EFCAB6: variants seen among roughly 807,000 people sequenced by gnomAD.
EFCAB6 encodes the protein EF-hand calcium-binding domain-containing protein 6.
In EFCAB6, 156 loss-of-function variants were observed where a neutral mutation model predicts 169.8. The ratio of observed to expected loss-of-function variants is 0.92; its 90% confidence interval spans 0.81 to 1.05. The LOEUF is 1.05. Among genes scored for constraint, EFCAB6 ranks in the 50% least tolerant of loss-of-function variants. The pLI, the probability that EFCAB6 is intolerant of heterozygous loss-of-function variation, is 0.00. For synonymous variants in EFCAB6, 698 were observed against 676.4 expected (o/e 1.03, Z -0.50); for missense variants, 1,800 against 1,829.1 (o/e 0.98, Z 0.29).
In EFCAB6 at chr22:43,580,635, A is replaced by G. The variant is rs1230292426; in HGVS notation, c.3057T>C (p.Asn1019=). 1.2e-6 allele frequency: 2 copies of G among 1,613,976 alleles called. No homozygotes were observed. Among genetic ancestry groups the G allele is most frequent in the Non-Finnish European group, 1.7e-6 (2 of 1,180,016 alleles). ...TCAGGAAGTCGAGGTAATTGATAGC[A>G]TTATCATGCCGGCTGACTCCCCAAC... is the stretch of plus-strand genomic sequence containing the variant. ...LNSWGVSRHD[N]AINYLDFLRA... The change falls in exon 25 of 32, where the codon AAT becomes AAC. Residue 1019 remains asparagine (N), a synonymous_variant. Transcript: ENST00000262726.
intron 17 of EFCAB6, among the ~76,000 whole-genome samples, chr22:43,645,956 A>C (rs2056130429): frequency 6.6e-6 from 1 of 152,254 alleles, no homozygotes; most frequent in African/African-American, 2.4e-5. Context: ...TTGACCAGAC[A>C]TGTCCATTTT....
intron 26 of EFCAB6, among the ~76,000 whole-genome samples, chr22:43,570,769 G>A (rs968995397): frequency 3.9e-5 from 6 of 152,236 alleles, no homozygotes; most frequent in Middle Eastern, 3.4e-3. Flanking sequence ...TCCTTGCTCC[G>A]GTCTGAAAAG....
At chr22:43,705,802 G>A (rs2058936407) in intron 10 of EFCAB6, among the ~76,000 whole-genome samples, 1 of 151,908 alleles carries the variant, frequency 6.6e-6, no homozygotes, top group African/African-American at 2.4e-5. Flanking sequence ...GATCCCAAAT[G>A]AACAACTGAA....
intron 2 of EFCAB6, among the ~76,000 whole-genome samples, chr22:43,784,674 T>TACACACAC (rs1468073918): frequency 2.0e-5 from 1 of 49,636 alleles, no homozygotes; most frequent in African/African-American, 8.2e-5. Flanking sequence ...CATATACATA[T>TACACACAC]ATACACACAC....
rs183475262 is a variant in EFCAB6 at position 43,622,442 on chromosome 22, T to C, written c.2465+4005A>G. ...TTAGCTGGGCATGGTGGTGTGCACC[T>C]GTAGTTCCAGTTACTTGGGAGTCTG... On this transcript the variant is annotated intron_variant, in intron 20 of 31. Transcript: ENST00000262726. Among the ~76,000 whole-genome samples, 10 of 152,258 alleles carry C rather than the reference T, an allele frequency of 6.6e-5. No homozygotes were observed. The East Asian group carries it at 1.9e-3, about 29-fold the overall frequency.
intron 10 of EFCAB6, among the ~76,000 whole-genome samples, chr22:43,699,334 C>T (rs1403209719): frequency 6.6e-6 from 1 of 152,154 alleles, no homozygotes; most frequent in African/African-American, 2.4e-5. Context: ...GTTCTTCTCC[C>T]TAAGACCTCA....
chr22:43,672,117 T>A lies in EFCAB6; in HGVS notation c.1496A>T (p.His499Leu), dbSNP rs747162632. 12 of 1,613,422 alleles carry A rather than the reference T, an allele frequency of 7.4e-6. No homozygotes were observed. Among genetic ancestry groups the A allele is most frequent in the Non-Finnish European group, 9.3e-6 (11 of 1,179,798 alleles). ...TTGTAGGTTCCTAGTAATTGTATCA[T>A]GAACAATTTCTTCCACCTAACATTA... The part of the protein sequence containing the change: ...LAWDSVEEIV[H>L]DTITRNLQAF... The change falls in exon 15 of 32, where the codon CAT becomes CTT. Residue 499 changes from histidine to leucine, a missense_variant. His to Leu is a moderately conservative substitution (Grantham distance 99). Transcript: ENST00000262726.
intron 25 of EFCAB6, among the ~76,000 whole-genome samples, chr22:43,578,966 A>G: frequency 1.4e-5 from 2 of 142,398 alleles, no homozygotes; most frequent in African/African-American, 2.7e-5. Context: ...TTCCATACAC[A>G]TAGGCATCAT....
intron 17 of EFCAB6, among the ~76,000 whole-genome samples, chr22:43,642,147 G>C (rs1337586732): frequency 6.6e-6 from 1 of 151,966 alleles, no homozygotes; most frequent in Non-Finnish European, 1.5e-5. Flanking sequence ...CTCCATGTTG[G>C]TCAGGCTGGT....
chr22:43,720,135 A>G (rs80276150), intron 8 of EFCAB6, among the ~76,000 whole-genome samples: 2,842 of 150,880 alleles, frequency 0.019, 90 homozygotes, highest in African/African-American at 0.066. Context: ...AAATACACAC[A>G]ATTTTAACTT....
Position 43,626,617 on chromosome 22 carries a change from G to A in EFCAB6, c.2295C>T (p.Asp765=). The change falls in exon 20 of 32, where the codon GAC becomes GAT. Residue 765 remains aspartate, a synonymous_variant. Transcript: ENST00000262726. ...ADRDGIINMH[D]LHRLLLHLLL... The stretch of plus-strand genomic sequence containing the variant: ...GTAGATGCAGGAGCAGTCTGTGAAG[G>A]TCATGCATGTTGATTATGCCATCCC... 6.2e-7 allele frequency: 1 copy of A among 1,614,174 alleles called. No homozygotes were observed. The highest frequency in any genetic ancestry group is 8.5e-7 in the Non-Finnish European group (1 of 1,180,044).
chr22:43,599,005 G>T (rs2052275281), intron 23 of EFCAB6, among the ~76,000 whole-genome samples: 1 of 152,128 alleles, frequency 6.6e-6, no homozygotes, highest in Non-Finnish European at 1.5e-5. Context: ...AATCCAGTGG[G>T]GTACCTTCTG....
At chr22:43,748,930 T>C (rs1730541318) in intron 6 of EFCAB6, among the ~76,000 whole-genome samples, 1 of 152,084 alleles carries the variant, frequency 6.6e-6, no homozygotes, top group Admixed American at 6.5e-5. Context: ...TGGCTTATGT[T>C]TTGAACGGAT....
At chr22:43,770,334 A>T (rs2061432364) in intron 4 of EFCAB6, among the ~76,000 whole-genome samples, 1 of 152,182 alleles carries the variant, frequency 6.6e-6, no homozygotes, top group African/African-American at 2.4e-5. Context: ...CTCTGTTCTG[A>T]AATATTATCC....
chr22:43,696,800 C>A (rs141295881), intron 10 of EFCAB6, among the ~76,000 whole-genome samples: 1 of 151,880 alleles, frequency 6.6e-6, no homozygotes, highest in Non-Finnish European at 1.5e-5. Context: ...GTGGGGGTCA[C>A]GGGAGGGGAT....
At chr22:43,610,156 T>C (rs2053205253) in intron 21 of EFCAB6, among the ~76,000 whole-genome samples, 1 of 152,214 alleles carries the variant, frequency 6.6e-6, no homozygotes, top group South Asian at 2.1e-4. Context: ...CAGAGAGATG[T>C]TAGTAAATTT....
intron 27 of EFCAB6, chr22:43,552,250 G>A (rs1193947242): frequency 6.6e-6 from 1 of 152,118 alleles, no homozygotes; most frequent in African/African-American, 2.4e-5. Flanking sequence ...TGTGAAAAGC[G>A]CTGCAATGTA....
intron 6 of EFCAB6, among the ~76,000 whole-genome samples, chr22:43,747,706 A>G (rs983667749): frequency 6.6e-6 from 1 of 152,136 alleles, no homozygotes; most frequent in African/African-American, 2.4e-5. Context: ...TCATTCATGA[A>G]TTCCTAGACT....
At position 43,592,914 on chromosome 22, in the gene EFCAB6, A is replaced by C. The variant is rs535429354; in HGVS notation, c.2877-2685T>G. On this transcript the variant is annotated intron_variant, in intron 23 of 31. Transcript: ENST00000262726. ...TGGAAAATAAATGCAAGAAGAAAAAAAGATTTTTCTTAATCTTTAAAATGT... is the reference window on the plus strand; with the variant it reads ...TGGAAAATAAATGCAAGAAGAAAAACAGATTTTTCTTAATCTTTAAAATGT... Among the ~76,000 whole-genome samples the C allele has an allele frequency of 3.9e-4, 60 of 152,374 alleles. 2 individuals are homozygous for C. The South Asian group carries it at 0.012, about 31-fold the overall frequency.
Sources: allele counts gnomAD v4.1 joint callset (sites outside exome capture counted in the v4.1 genomes callset), GRCh38; gene constraint gnomAD v4.1.1; transcripts MANE v1.5; gene names NCBI Gene and HGNC (gene_info 2026-07-23, HGNC 2026-07-21).